TMC6: variants seen among roughly 807,000 people sequenced by gnomAD.
TMC6 encodes transmembrane channel like 6, also known as transmembrane channel-like protein 6.
In TMC6, 71 loss-of-function variants were observed where a neutral mutation model predicts 95.4. The observed-to-expected ratio is 0.74, with a 90% CI of 0.61 to 0.91. TMC6 has a LOEUF of 0.91. Among genes scored for constraint, TMC6 ranks in the 40% least tolerant of loss-of-function variants. The pLI is 0.00. For missense variants in TMC6, 1,074 were observed against 1,079.1 expected, an observed-to-expected ratio of 1.00 and a Z score of 0.07; for synonymous variants, 514 against 483.1, an observed-to-expected ratio of 1.06 and a Z score of -0.84.
rs566942679 is a variant in TMC6 at position 78,108,813 on chromosome 17, T to G, written c.*4335A>C. On this transcript the variant is annotated 3_prime_UTR_variant, in exon 20 of 20. Coordinates refer to ENST00000590602, the MANE Select transcript of TMC6 (RefSeq NM_001127198.5). ...TTTTTTAAGTTTATTAAATTTTTTT[T>G]TAAATGGCAGTTTCAGACCTGCCCT... The G allele has an allele frequency of 2.0e-5, 3 of 152,346 alleles. No individual in the cohort carries two copies. Among genetic ancestry groups the G allele is most frequent in the African/African-American group, 7.2e-5 (3 of 41,568 alleles). 9.4% of individuals were successfully genotyped at this position (152,346 alleles called of 1,614,324 possible).
upstream of TMC6, among the ~76,000 whole-genome samples, chr17:78,129,122 C>G (rs867642615): frequency 6.9e-6 from 1 of 144,920 alleles, no homozygotes; most frequent in Admixed American, 6.8e-5. This position sits in a 1 kb window ranked among gnomAD's most constrained non-coding sequence, Gnocchi z 4.3. Context: ...CAGCGCCCCC[C>G]CCCCCGCCGC....
Position 78,120,636 on chromosome 17 carries a change from G to A in TMC6, c.1715+17C>T, listed in dbSNP as rs375990147. The A allele has an allele frequency of 1.5e-4, 246 of 1,613,914 alleles. No individual in the cohort carries two copies. The highest frequency in any genetic ancestry group is 1.4e-3 in the South Asian group (124 of 91,082). ...GGGGAGAACACTCACCACCCAGTCC[G>A]CCCAGGACCCCCTCACCTCCACACC... On this transcript the variant is annotated intron_variant, in intron 13 of 19. Coordinates refer to ENST00000590602, the MANE Select transcript of TMC6 (RefSeq NM_001127198.5).
At chr17:78,125,089 C>A in intron 6 of TMC6, 69 bp downstream of exon 6, 4 of 1,543,782 alleles carry the variant, frequency 2.6e-6, no homozygotes, top group Non-Finnish European at 2.6e-6. Context: ...CCCCCACCAC[C>A]TAGCCCAGCT....
upstream of TMC6, chr17:78,132,137 C>A: frequency 1.3e-6 from 2 of 1,502,138 alleles, no homozygotes; most frequent in Non-Finnish European, 1.8e-6. Context: ...CCGGGTCCCC[C>A]GACCAATCGG....
rs754789741 is a variant in TMC6 at position 78,121,637 on chromosome 17, C to G, written c.1302G>C (p.Leu434=). The G allele has an allele frequency of 6.2e-7, 1 of 1,607,974 alleles. No individual in the cohort carries two copies. Among genetic ancestry groups the G allele is most frequent in the Admixed American group, 1.7e-5 (1 of 59,640 alleles). ...CCAGACACAGCAGCCACACAAGCCCCAGCACAGCCGCCTGCCGCAGCCTCC... is the reference window on the plus strand; with the variant it reads ...CCAGACACAGCAGCCACACAAGCCCGAGCACAGCCGCCTGCCGCAGCCTCC... ...VCGRLRQAAV[L]GLVWLLCLGT... Residue 434 remains leucine (L), a synonymous_variant, in exon 11 of 20, where the codon CTG becomes CTC. Coordinates refer to ENST00000590602, the MANE Select transcript of TMC6 (RefSeq NM_001127198.5). The surrounding 1 kb of genome is among the most constrained non-coding windows in gnomAD (Gnocchi z 5.6).
At position 78,125,827 on chromosome 17, in the gene TMC6, C is replaced by T. The variant is rs747710456; in HGVS notation, c.329G>A (p.Cys110Tyr). 9 of 1,554,700 alleles carry T rather than the reference C, an allele frequency of 5.8e-6. No homozygotes were observed. In the South Asian group the frequency reaches 1.1e-4, roughly 18 times the overall value. ...QYYNRTVQLR[C>Y]RSSRPLLGNF... ...CCCGAGCAGGGGCCGGCTGCTCCTG[C>T]ACCGAAGCTGCACCGTGCGGTTGTA... is the stretch of plus-strand genomic sequence containing the variant. The change falls in exon 5 of 20, where the codon TGC becomes TAC. Residue 110 changes from cysteine (C) to tyrosine (Y), a missense_variant. Cys to Tyr is a radical substitution (Grantham distance 194, BLOSUM62 -2). Coordinates refer to ENST00000590602, the MANE Select transcript of TMC6 (RefSeq NM_001127198.5).
At position 78,122,276 on chromosome 17, in the gene TMC6, C is replaced by T. The variant is rs1486368776; in HGVS notation, c.1227+329G>A. Among the ~76,000 whole-genome samples the T allele has an allele frequency of 6.6e-6, 1 of 152,158 alleles. No individual in the cohort carries two copies. Among genetic ancestry groups the T allele is most frequent in the East Asian group, 1.9e-4 (1 of 5,170 alleles). ...CTCACCCACTGGCCTCCTATGGCCA[C>T]CAACCAAGCTAACGCCAGCCAGGGA... On this transcript the variant is annotated intron_variant, in intron 10 of 19. Coordinates refer to ENST00000590602, the MANE Select transcript of TMC6 (RefSeq NM_001127198.5). This position sits in a 1 kb window ranked among gnomAD's most constrained non-coding sequence, Gnocchi z 4.9.
rs1169542308 is a variant in TMC6 at position 78,119,389 on chromosome 17, A to T, written c.1719T>A (p.Ile573=). ...DTLFGELVWR[I]ISEKKLKRRR... is the part of the protein sequence containing the mutation. ...TCCTCTTCAGCTTCTTCTCGGAGATAATCCTGCCTCCGAGGACCCCGGATC... is the reference window on the plus strand; with the variant it reads ...TCCTCTTCAGCTTCTTCTCGGAGATTATCCTGCCTCCGAGGACCCCGGATC... Residue 573 remains isoleucine (I), a synonymous_variant, in exon 14 of 20, where the codon ATT becomes ATA. Transcript: ENST00000590602. 8 of 1,612,532 alleles carry T rather than the reference A, an allele frequency of 5.0e-6. No homozygotes were observed. The highest frequency in any genetic ancestry group is 6.8e-6 in the Non-Finnish European group (8 of 1,179,916).
chr17:78,120,849 G>A lies in TMC6; in HGVS notation c.1536-17C>T, dbSNP rs748419745. 54 of 1,611,060 alleles carry A rather than the reference G, an allele frequency of 3.4e-5. No homozygotes were observed. The East Asian group carries it at 1.0e-3, about 31-fold the overall frequency. ...ATGAGGTTCCTGCGGAGGGCGGGGTGCAAAGGCTGAGGGGCGGGTACAGGG... is the reference window on the plus strand; with the variant it reads ...ATGAGGTTCCTGCGGAGGGCGGGGTACAAAGGCTGAGGGGCGGGTACAGGG... On this transcript the variant is annotated splice_polypyrimidine_tract_variant and intron_variant, in intron 12 of 19. Transcript: ENST00000590602.
chr17:78,113,853 A>C (rs2073919315), intron 18 of TMC6: 1 of 560,398 alleles, frequency 1.8e-6, no homozygotes, highest in Non-Finnish European at 3.2e-6. Context: ...CAAAGTGAAA[A>C]GGGAAATGTA....
Position 78,116,134 on chromosome 17 carries a change from G to A in TMC6, c.2277+1135C>T, listed in dbSNP as rs539784680. 1.2e-4 allele frequency among the ~76,000 whole-genome samples: 18 copies of A among 151,808 alleles called. 1 individual carries two copies. Among genetic ancestry groups the A allele is most frequent in the Middle Eastern group, 6.8e-3 (2 of 292 alleles). On this transcript the variant is annotated intron_variant, in intron 18 of 19. Coordinates refer to ENST00000590602, the MANE Select transcript of TMC6 (RefSeq NM_001127198.5). ...AGCTGGTACAGGTGGACGCCACCACGCCCAGCTGATTTTTGTACTTTTAGT... is the reference window on the plus strand; with the variant it reads ...AGCTGGTACAGGTGGACGCCACCACACCCAGCTGATTTTTGTACTTTTAGT...
chr17:78,123,846 T>C (rs1180514895), intron 9 of TMC6, 143 bp downstream of exon 9: 6 of 1,112,910 alleles, frequency 5.4e-6, no homozygotes, highest in Admixed American at 2.0e-5. Flanking sequence ...GGTAAGTGGA[T>C]AGTTGGATAG....
Position 78,128,325 on chromosome 17 carries a change from C to T in TMC6, c.-75+287G>A, listed in dbSNP as rs865993376. On this transcript the variant is annotated intron_variant, in intron 1 of 19. Transcript: ENST00000590602. The surrounding 1 kb of genome is among the most constrained non-coding windows in gnomAD (Gnocchi z 4.0). ...CCCTGTCCCCCGCCCCTTCCCATCC[C>T]GGCCACACCCCCTCCCCTCCCCTCC... 1.7e-4 allele frequency among the ~76,000 whole-genome samples: 26 copies of T among 152,104 alleles called. No individual in the cohort carries two copies. The highest frequency in any genetic ancestry group is 5.6e-4 in the African/African-American group (23 of 41,406).
At chr17:78,132,211 C>T, upstream of TMC6, 1 of 1,376,974 alleles carries the variant, frequency 7.3e-7, no homozygotes, top group Non-Finnish European at 1.0e-6. Context: ...CGCAGCACCC[C>T]CAGGTGACTG....
At chr17:78,132,231 C>T (rs2075020957), upstream of TMC6, 1 of 1,393,618 alleles carries the variant, frequency 7.2e-7, no homozygotes, top group Non-Finnish European at 9.9e-7. Context: ...GTCAGCGGTA[C>T]CTCCGGACTC....
At position 78,120,215 on chromosome 17, in the gene TMC6, A is replaced by G. The variant is rs553050501; in HGVS notation, c.1715+438T>C. ...TGCTCTGTCGCCCGGGCTGGAGTGCAGAGGCGCAATCTCAGCTCACTACAA... is the reference window on the plus strand; with the variant it reads ...TGCTCTGTCGCCCGGGCTGGAGTGCGGAGGCGCAATCTCAGCTCACTACAA... On this transcript the variant is annotated intron_variant, in intron 13 of 19. Transcript: ENST00000590602. 1.2e-3 allele frequency: 406 copies of G among 335,762 alleles called. 2 individuals are homozygous for G. Among genetic ancestry groups the G allele is most frequent in the South Asian group, 8.6e-3 (394 of 45,584 alleles). The allele number at this position is 335,762 out of a possible 1,614,324, so 20.8% of individuals were successfully genotyped here.
chr17:78,124,221 G>A (rs754001527), intron 8 of TMC6, 42 bp from the exon 9 acceptor site: 31 of 1,606,422 alleles, frequency 1.9e-5, no homozygotes, highest in African/African-American at 2.7e-5. Flanking sequence ...CTTTCCCCAC[G>A]CCCCACCCGA....
intron 15 of TMC6, chr17:78,118,244 A>G (rs2074231682): frequency 2.1e-6 from 1 of 482,968 alleles, no homozygotes; most frequent in Non-Finnish European, 3.8e-6. Context: ...GGATGAGGAA[A>G]CAAAAGGCCA....
intron 18 of TMC6, among the ~76,000 whole-genome samples, 191 bp downstream of exon 18, chr17:78,117,078 G>C (rs1405875352): frequency 3.3e-5 from 5 of 152,064 alleles, no homozygotes; most frequent in African/African-American, 1.2e-4. Context: ...GGGATCAGGA[G>C]CCTGGCTCTG....
Sources: allele counts gnomAD v4.1 joint callset (sites outside exome capture counted in the v4.1 genomes callset), GRCh38; gene constraint gnomAD v4.1.1; non-coding constraint Gnocchi (gnomAD v3.1); transcripts MANE v1.5; gene names NCBI Gene and HGNC (gene_info 2026-07-23, HGNC 2026-07-21).